Variants in ANKHD1 observed in about 807,000 individuals in gnomAD.
The protein encoded by ANKHD1 is ankyrin repeat and KH domain containing 1.
ANKHD1 carries 31 observed loss-of-function variants against 230.5 expected under a neutral mutation model. That is an observed-to-expected ratio of 0.13 (90% CI 0.10 to 0.18). ANKHD1 has a LOEUF of 0.18. ANKHD1 is among the 10% of genes least tolerant of loss of function. ANKHD1 has a pLI of 1.00. For missense variants in ANKHD1, 2,256 were observed against 3,071.3 expected (o/e 0.73, Z 6.27); for synonymous variants, 1,074 against 1,117.6 (o/e 0.96, Z 0.78).
intron 30 of ANKHD1, among the ~76,000 whole-genome samples, chr5:140,536,583 C>T (rs918615814): frequency 3.9e-5 from 6 of 152,212 alleles, no homozygotes; most frequent in African/African-American, 1.4e-4. Context: ...TCGTACAATG[C>T]TTTGCTAACA....
At position 140,506,738 on chromosome 5, in the gene ANKHD1, G is replaced by C. The variant is rs1156927087; in HGVS notation, c.3409-97G>C. The C allele has an allele frequency of 3.3e-6, 5 of 1,515,414 alleles. No homozygotes were observed. Among genetic ancestry groups the C allele is most frequent in the Non-Finnish European group, 4.5e-6 (5 of 1,121,696 alleles). 93.9% of individuals were successfully genotyped at this position (1,515,414 alleles called of 1,614,324 possible). ...ATGTAATTAAAATATCAGATATTTA[G>C]ATAAGGAAGTTATAAGTCCTGTTTC... On this transcript the variant is annotated intron_variant, in intron 18 of 33. Transcript: ENST00000360839. The surrounding 1 kb of genome is among the most constrained non-coding windows in gnomAD (Gnocchi z 4.7).
chr5:140,480,028 A>C (rs1373530849), intron 10 of ANKHD1, among the ~76,000 whole-genome samples: 1 of 151,528 alleles, frequency 6.6e-6, no homozygotes, highest in Non-Finnish European at 1.5e-5. Flanking sequence ...ACCCATAGGG[A>C]GTGTGCCCAC....
At chr5:140,448,560 CATTCTTTTTAAT>C (rs1774463586) in intron 6 of ANKHD1, among the ~76,000 whole-genome samples, 1 of 152,168 alleles carries the variant, frequency 6.6e-6, no homozygotes, top group African/African-American at 2.4e-5. Context: ...TGGGTTTTAT[CATTCTTTTTAAT>C]ATTTGCTATT....
chr5:140,531,646 A>G (rs1348923844), intron 29 of ANKHD1, among the ~76,000 whole-genome samples: 1 of 152,172 alleles, frequency 6.6e-6, no homozygotes, highest in African/African-American at 2.4e-5. Flanking sequence ...ACCATCATAC[A>G]TGGTAGGTAG....
intron 10 of ANKHD1, among the ~76,000 whole-genome samples, chr5:140,472,970 T>G (rs1750743011): frequency 6.6e-6 from 1 of 152,000 alleles, no homozygotes; most frequent in Non-Finnish European, 1.5e-5. Context: ...GTTTTTAATT[T>G]TAAAATTATT....
At chr5:140,416,805 A>T (rs1771435511) in intron 1 of ANKHD1, among the ~76,000 whole-genome samples, 1 of 150,340 alleles carries the variant, frequency 6.7e-6, no homozygotes. Context: ...TTTTAAGATT[A>T]TTTTGACTAT....
chr5:140,524,050 C>A lies in ANKHD1; in HGVS notation c.4318-16C>A. On this transcript the variant is annotated splice_polypyrimidine_tract_variant and intron_variant, in intron 24 of 33. Coordinates refer to ENST00000360839, the MANE Select transcript of ANKHD1 (RefSeq NM_017747.3). The stretch of plus-strand genomic sequence containing the variant: ...ACTGCCTTATTGGTAAAATTATATA[C>A]CTGCTTTATTTCCAGTCAAGAGAAG... The A allele has an allele frequency of 6.4e-7, 1 of 1,556,658 alleles. No homozygotes were observed.
rs1185552060 is a variant in ANKHD1, at chr5:140,529,794, T to C, written c.6848T>C (p.Val2283Ala). The C allele has an allele frequency of 6.2e-7, 1 of 1,613,404 alleles. No homozygotes were observed. The highest frequency in any genetic ancestry group is 1.3e-5 in the African/African-American group (1 of 74,908). Residue 2283 changes from valine to alanine, a missense_variant and splice_region_variant, in exon 29 of 34, where the codon GTT (valine) becomes GCT (alanine). Around this residue, in one of 13 missense-constraint regions of ANKHD1, gnomAD observed 778 missense variants for 966.5 expected, o/e 0.80. Transcript: ENST00000360839. The stretch of plus-strand genomic sequence containing the variant: ...TCCCAGCGAGTTTCTACTAGTCCAG[T>C]TGGTAAGTTATTAACTATTGCTGCA... ...PPSQRVSTSP[V>A]GLPSIDPSGS...
intron 1 of ANKHD1, among the ~76,000 whole-genome samples, chr5:140,427,157 C>CG (rs1561702674): frequency 1.4e-5 from 2 of 147,656 alleles, no homozygotes; most frequent in African/African-American, 5.0e-5. Context: ...TGACCCCCCC[C>CG]ACCTCCCTCC....
rs373307821 is a variant in ANKHD1, at chr5:140,496,967, A to G, written c.2693A>G (p.Gln898Arg). 8 of 1,614,204 alleles carry G rather than the reference A, an allele frequency of 5.0e-6. No homozygotes were observed. The change falls in exon 15 of 34, where the codon CAG becomes CGG. Residue 898 changes from glutamine to arginine, a missense_variant. Gln to Arg is a conservative substitution (Grantham distance 43). Coordinates refer to ENST00000360839, the MANE Select transcript of ANKHD1 (RefSeq NM_017747.3). ...LPEDHFSELP[Q>R]VDTILFKDND... Reference sequence around the variant, plus strand: ...GAGGATCACTTTTCAGAGTTACCTCAGGTTGACACAATCTTATTTAAAGAT... The same window carrying G: ...GAGGATCACTTTTCAGAGTTACCTCGGGTTGACACAATCTTATTTAAAGAT...
chr5:140,420,337 G>A (rs920381554), intron 1 of ANKHD1, among the ~76,000 whole-genome samples: 1 of 151,994 alleles, frequency 6.6e-6, no homozygotes, highest in African/African-American at 2.4e-5. Flanking sequence ...TTTTGATGAC[G>A]CCCAATTTAT....
chr5:140,483,452 CTTTTTTTTTTT>C (rs369245406), intron 11 of ANKHD1, among the ~76,000 whole-genome samples: 3 of 110,610 alleles, frequency 2.7e-5, no homozygotes, highest in East Asian at 5.1e-4. Context: ...AAGATTTTAT[CTTTTTTTTTTT>C]TTTTTTTTTT....
intron 15 of ANKHD1, among the ~76,000 whole-genome samples, chr5:140,498,424 A>G (rs1174698994): frequency 6.6e-6 from 1 of 152,278 alleles, no homozygotes; most frequent in Non-Finnish European, 1.5e-5. Context: ...ATGGTTATAG[A>G]ATTGTGATAT....
intron 1 of ANKHD1, among the ~76,000 whole-genome samples, chr5:140,417,645 T>C (rs953610430): frequency 2.5e-4 from 38 of 151,832 alleles, no homozygotes; most frequent in South Asian, 4.1e-4. Flanking sequence ...GAGATGGGCT[T>C]TGCCATGTTG....
At chr5:140,495,339 G>A (rs540947643) in intron 14 of ANKHD1, among the ~76,000 whole-genome samples, 5 of 150,864 alleles carry the variant, frequency 3.3e-5, no homozygotes, top group African/African-American at 9.8e-5. Flanking sequence ...TCCGCCTCCC[G>A]GGTTCACGCC....
chr5:140,437,671 A>C (rs1202079028), intron 2 of ANKHD1, among the ~76,000 whole-genome samples: 2 of 152,232 alleles, frequency 1.3e-5, no homozygotes, highest in African/African-American at 4.8e-5. Flanking sequence ...GTGCCACTGC[A>C]CTTCAGTCTG....
At chr5:140,441,795 C>A (rs1773868512) in intron 5 of ANKHD1, among the ~76,000 whole-genome samples, 1 of 151,842 alleles carries the variant, frequency 6.6e-6, no homozygotes, top group Admixed American at 6.6e-5. Context: ...AATTGGGTAA[C>A]TATATGAGAA....
intron 14 of ANKHD1, among the ~76,000 whole-genome samples, chr5:140,489,506 AC>A (rs1751674453): frequency 6.6e-6 from 1 of 152,084 alleles, no homozygotes; most frequent in South Asian, 2.1e-4. Flanking sequence ...TAAATAAATA[AC>A]ACAGATCCAC....
intron 15 of ANKHD1, among the ~76,000 whole-genome samples, chr5:140,503,898 T>G (rs1167837770): frequency 1.3e-5 from 2 of 152,080 alleles, no homozygotes; most frequent in Admixed American, 1.3e-4. Flanking sequence ...TCAAACCACA[T>G]TTTGAGATCT....
Sources: allele counts gnomAD v4.1 joint callset (sites outside exome capture counted in the v4.1 genomes callset), GRCh38; gene constraint gnomAD v4.1.1; regional missense constraint gnomAD v4.1.1; non-coding constraint Gnocchi (gnomAD v3.1); transcripts MANE v1.5; gene names NCBI Gene and HGNC (gene_info 2026-07-23, HGNC 2026-07-21).